HCFC2: variants seen among roughly 807,000 people sequenced by gnomAD.
HCFC2 encodes the protein host cell factor 2.
HCFC2 carries 18 observed loss-of-function variants against 89.2 expected under a neutral mutation model. The ratio of observed to expected loss-of-function variants is 0.20; its 90% CI spans 0.14 to 0.30. The LOEUF (loss-of-function observed/expected upper bound fraction) is 0.30. Among genes scored for constraint, HCFC2 ranks in the 10% least tolerant of loss-of-function variants. The pLI, the probability that HCFC2 is intolerant of heterozygous loss-of-function variation, is 1.00. For synonymous variants in HCFC2, 308 were observed against 335.7 expected, an observed-to-expected ratio of 0.92 and a Z score of 0.90; for missense variants, 578 against 956.1, an observed-to-expected ratio of 0.60 and a Z score of 5.21.
In HCFC2 at chr12:104,087,249, G is replaced by A. The variant is rs148238304; in HGVS notation, c.1231+235G>A. Among the ~76,000 whole-genome samples the A allele has an allele frequency of 4.5e-3, 683 of 151,592 alleles. 5 individuals carry two copies. The highest frequency in any genetic ancestry group is 0.016 in the African/African-American group (645 of 41,276). On this transcript the variant is annotated intron_variant, in intron 8 of 14. Coordinates refer to ENST00000229330, the MANE Select transcript of HCFC2 (RefSeq NM_013320.3). ...CATACCTGTAATCCCAGCTACTTGG[G>A]AGGCTGAAGCAAAAGTATCACTTGA... is the stretch of plus-strand genomic sequence containing the variant.
rs1046608839 is a variant in HCFC2 at position 104,067,824 on chromosome 12, A to G, written c.313-123A>G. 1.6e-5 allele frequency: 12 copies of G among 762,264 alleles called. No homozygotes were observed. In the African/African-American group the frequency reaches 1.6e-4, roughly 10 times the overall value. 47.2% of individuals were successfully genotyped at this position (762,264 alleles called of 1,614,324 possible). ...GTTATTTGTCATTTGTCCCAAAAGT[A>G]GTTTTTTAGTGCCTTCTGATGGGAT... On this transcript the variant is annotated intron_variant, in intron 2 of 14. Transcript: ENST00000229330.
chr12:104,092,724 A>C (rs1409862258), intron 9 of HCFC2, among the ~76,000 whole-genome samples: 1 of 151,864 alleles, frequency 6.6e-6, no homozygotes, highest in East Asian at 1.9e-4. Context: ...CAGTGAGCTG[A>C]GATCACACCA....
intron 1 of HCFC2, chr12:104,065,052 A>G (rs1883036589): frequency 4.1e-6 from 1 of 246,906 alleles, no homozygotes; most frequent in African/African-American, 2.2e-5. Flanking sequence ...CACTCCCCGA[A>G]ATCTCGCCTC....
chr12:104,070,274 C>T (rs1883280674), intron 3 of HCFC2, among the ~76,000 whole-genome samples: 1 of 152,202 alleles, frequency 6.6e-6, no homozygotes, highest in Admixed American at 6.5e-5. Context: ...GTGATCTGCC[C>T]ACCTTGGCCT....
At chr12:104,080,098 G>C (rs1883636801) in intron 4 of HCFC2, among the ~76,000 whole-genome samples, 2 of 152,186 alleles carry the variant, frequency 1.3e-5, no homozygotes, top group South Asian at 4.1e-4. Context: ...AGGAATGAAT[G>C]ATTGGAGGGT....
At chr12:104,069,086 G>A (rs1037032029) in intron 3 of HCFC2, among the ~76,000 whole-genome samples, 1 of 151,998 alleles carries the variant, frequency 6.6e-6, no homozygotes. Flanking sequence ...TGGGTGGATC[G>A]CTTGAGCCCA....
At chr12:104,087,416 TGTGTGTGTG>T (rs1207530349) in intron 8 of HCFC2, among the ~76,000 whole-genome samples, 24 of 40,054 alleles carry the variant, frequency 6.0e-4, no homozygotes, top group Non-Finnish European at 1.6e-3. Flanking sequence ...AGTACGTGTG[TGTGTGTGTG>T]TGTGTGTGTG....
chr12:104,098,777 G>T (rs951835973), intron 13 of HCFC2, among the ~76,000 whole-genome samples: 6 of 152,252 alleles, frequency 3.9e-5, no homozygotes, highest in African/African-American at 1.2e-4. Flanking sequence ...AAGGCAGGCA[G>T]ATCACGAGGT....
In HCFC2 at chr12:104,087,988, G is replaced by C. The variant is rs1163611912; in HGVS notation, c.1234G>C (p.Val412Leu). The C allele has an allele frequency of 6.2e-7, 1 of 1,602,200 alleles. No homozygotes were observed. The change falls in exon 9 of 15, where the codon GTC (valine) becomes CTC (leucine). Residue 412 changes from valine (V) to leucine (L), a missense_variant and splice_region_variant. This residue lies in a region of HCFC2 where 210 missense variants were observed against 251.7 expected (regional missense o/e 0.83). Coordinates refer to ENST00000229330, the MANE Select transcript of HCFC2 (RefSeq NM_013320.3). The part of the protein sequence containing the change: ...DSSAAPNMQG[V>L]RMDPHRQGSN... Reference sequence around the variant, plus strand: ...CTGAACCTTTCTCATTCCTTCAGGAGTCAGGATGGACCCTCACAGACAAGG... The same window carrying C: ...CTGAACCTTTCTCATTCCTTCAGGACTCAGGATGGACCCTCACAGACAAGG...
rs146993897 is a variant in HCFC2 at position 104,094,403 on chromosome 12, C to A, written c.1462+840C>A. 3.2e-3 allele frequency among the ~76,000 whole-genome samples: 488 copies of A among 151,948 alleles called. 10 individuals carry two copies. The highest frequency in any genetic ancestry group is 0.03 in the South Asian group (145 of 4,814). On this transcript the variant is annotated intron_variant, in intron 10 of 14. Coordinates refer to ENST00000229330, the MANE Select transcript of HCFC2 (RefSeq NM_013320.3). ...AACGCACAGAAAAATATGTAAAGGG[C>A]GACAAGAAGAAGGCTTAAGTTTGTG...
At chr12:104,084,623 TG>T (rs1883781820) in intron 7 of HCFC2, among the ~76,000 whole-genome samples, 1 of 152,168 alleles carries the variant, frequency 6.6e-6, no homozygotes, top group Admixed American at 6.5e-5. Flanking sequence ...GGAAGTTTTG[TG>T]TAAGTTTGAA....
rs539057675 is a variant in HCFC2 at position 104,100,372 on chromosome 12, A to T, written c.1879-1596A>T. Among the ~76,000 whole-genome samples the T allele has an allele frequency of 2.0e-5, 3 of 152,184 alleles. No homozygotes were observed. The East Asian group carries it at 5.8e-4, about 29-fold the overall frequency. ...AAGGTGGGAGGAGCTTGAGCCCAGG[A>T]GTTCGAGACCAGCCTGGGCAACATG... On this transcript the variant is annotated intron_variant, in intron 13 of 14. Transcript: ENST00000229330.
In HCFC2 at chr12:104,087,132, A is replaced by C; in HGVS notation, c.1231+118A>C. ...CACTTTGGGAGGCTGAGGCAGGTGG[A>C]TCACCTGAGGTCAGGAGTTTGAGAC... On this transcript the variant is annotated intron_variant, in intron 8 of 14. Coordinates refer to ENST00000229330, the MANE Select transcript of HCFC2 (RefSeq NM_013320.3). 1.2e-5 allele frequency: 11 copies of C among 897,354 alleles called. 1 individual carries two copies. In the South Asian group the frequency reaches 1.8e-4, roughly 15 times the overall value. 55.6% of individuals were successfully genotyped at this position (897,354 alleles called of 1,614,324 possible).
In HCFC2 at chr12:104,105,943, T is replaced by C. The variant is rs1374382101; in HGVS notation, c.*2670T>C. On this transcript the variant is annotated 3_prime_UTR_variant, in exon 15 of 15. Transcript: ENST00000229330. ...TTTGTGCCAGTCCTCTTCTGTGTTC[T>C]GCAACTCTGGCTCTCATAAGTAGTA... The C allele has an allele frequency of 1.3e-5, 2 of 152,156 alleles. No individual in the cohort carries two copies. The highest frequency in any genetic ancestry group is 2.9e-5 in the Non-Finnish European group (2 of 67,972). The allele number at this position is 152,156 out of a possible 1,614,324, so 9.4% of individuals were successfully genotyped here.
At chr12:104,067,241 G>T (rs1883179086) in intron 2 of HCFC2, among the ~76,000 whole-genome samples, 1 of 152,156 alleles carries the variant, frequency 6.6e-6, no homozygotes, top group Non-Finnish European at 1.5e-5. Flanking sequence ...CACTGCTTTA[G>T]TGTTTTAGAA....
chr12:104,103,104 T>G lies in HCFC2; in HGVS notation c.2210T>G (p.Leu737Arg). The G allele has an allele frequency of 6.2e-7, 1 of 1,614,148 alleles. No homozygotes were observed. Residue 737 changes from leucine (L) to arginine (R), a missense_variant, in exon 15 of 15, where the codon CTT becomes CGT. Leu to Arg is a moderately radical substitution (Grantham distance 102). Coordinates refer to ENST00000229330, the MANE Select transcript of HCFC2 (RefSeq NM_013320.3). The stretch of plus-strand genomic sequence containing the variant: ...GTGTTCATGAGGATTTATTGTGGTC[T>G]TAAGACATCATGTATAGTAACTGCT... ...QLVFMRIYCG[L>R]KTSCIVTAGQ...
chr12:104,066,929 A>G (rs1404272617), intron 2 of HCFC2, among the ~76,000 whole-genome samples: 5 of 152,230 alleles, frequency 3.3e-5, no homozygotes, highest in Non-Finnish European at 7.3e-5. Flanking sequence ...CTGTGACTAC[A>G]GGCACGCGCC....
chr12:104,078,817 G>A (rs1883591569), intron 3 of HCFC2, among the ~76,000 whole-genome samples: 1 of 152,190 alleles, frequency 6.6e-6, no homozygotes, highest in African/African-American at 2.4e-5. Context: ...GCAGTCAGCT[G>A]AGAAGGCTTG....
At position 104,105,524 on chromosome 12, in the gene HCFC2, T is replaced by C. The variant is rs1410261129; in HGVS notation, c.*2251T>C. 6.6e-6 allele frequency: 1 copy of C among 151,876 alleles called. No individual in the cohort carries two copies. The highest frequency in any genetic ancestry group is 6.6e-5 in the Admixed American group (1 of 15,232). 9.4% of individuals were successfully genotyped at this position (151,876 alleles called of 1,614,324 possible). On this transcript the variant is annotated 3_prime_UTR_variant, in exon 15 of 15. Coordinates refer to ENST00000229330, the MANE Select transcript of HCFC2 (RefSeq NM_013320.3). ...AGAGGGAAGAGAAGTCTTTCTATAC[T>C]GAGGGATTTGTTAAAATCATAAATG...
Sources: gnomAD v4.1 joint callset for allele counts (sites outside exome capture counted in the v4.1 genomes callset) on GRCh38, gnomAD v4.1.1 for gene constraint, gnomAD v4.1.1 regional missense constraint, MANE v1.5 for transcripts, NCBI Gene and HGNC (gene_info 2026-07-23, HGNC 2026-07-21) for gene names.